MOB2: variants seen among roughly 807,000 people sequenced by gnomAD.
The protein encoded by MOB2 is MOB2 Mps One Binder homolog.
Under a neutral mutation model 27.4 loss-of-function variants are expected in MOB2, and 14 were observed. That is an observed-to-expected ratio of 0.51 (90% CI 0.34 to 0.80). The LOEUF (loss-of-function observed/expected upper bound fraction) is 0.80, where lower values mean the gene tolerates loss of function less well. Among genes scored for constraint, MOB2 ranks in the 30% least tolerant of loss-of-function variants. The pLI is 0.01. For synonymous variants in MOB2, 167 were observed against 151.8 expected, an observed-to-expected ratio of 1.10 and a Z score of -0.74; for missense variants, 304 against 354.6, an observed-to-expected ratio of 0.86 and a Z score of 1.15.
chr11:1,472,851 CGGGCACAGGGCCTCCAGCATCTCT>C (rs1285623593), intron 3 of MOB2: 2,913 of 70,712 alleles, frequency 0.041, 79 homozygotes, highest in African/African-American at 0.099. Context: ...CCAGCGTCTC[CGGGCACAGGGCCTCCAGCATCTCT>C]GGGCACAGGG....
At chr11:1,481,169 C>A (rs1362176028) in intron 1 of MOB2, 2 of 569,880 alleles carry the variant, frequency 3.5e-6, no homozygotes, top group South Asian at 1.7e-5. Flanking sequence ...CACCCCTCAC[C>A]AAGTCCTCCA....
At chr11:1,484,008 C>T (rs972129537) in intron 1 of MOB2, among the ~76,000 whole-genome samples, 5 of 152,206 alleles carry the variant, frequency 3.3e-5, no homozygotes, top group Admixed American at 2.6e-4. Flanking sequence ...ACTCCTCATC[C>T]GCCCTGAGGG....
chr11:1,481,062 C>T (rs994002935), intron 1 of MOB2, 177 bp from the exon 2 acceptor site: 20 of 763,464 alleles, frequency 2.6e-5, no homozygotes, highest in South Asian at 1.0e-4. Flanking sequence ...GAGGCTGCTC[C>T]GCAGAGGGGC....
In MOB2 at chr11:1,480,778, T is replaced by A; in HGVS notation, c.218A>T (p.Glu73Val). Residue 73 changes from glutamate (E) to valine (V), a missense_variant, in exon 2 of 5, where the codon GAG becomes GTG. Physicochemically the swap from Glu to Val is moderately radical, Grantham distance 121 (BLOSUM62 -2). Transcript: ENST00000329957. ...AATCTCGCGGGGCAGCACCACCAGC[T>A]CCTTGAACTGGAAGTCGGTGATCCT... ...KARITDFQFK[E>V]LVVLPREIDL... The A allele has an allele frequency of 1.2e-6, 2 of 1,604,542 alleles. No individual in the cohort carries two copies. Among genetic ancestry groups the A allele is most frequent in the Non-Finnish European group, 1.7e-6 (2 of 1,176,090 alleles).
intron 3 of MOB2, among the ~76,000 whole-genome samples, chr11:1,477,102 C>CG (rs1345421017): frequency 6.6e-6 from 1 of 152,134 alleles, no homozygotes; most frequent in Non-Finnish European, 1.5e-5. Flanking sequence ...GTGGGGTCAT[C>CG]GGGCTCCGTG....
chr11:1,475,321 C>CAT (rs956597235), intron 3 of MOB2, among the ~76,000 whole-genome samples: 11 of 23,810 alleles, frequency 4.6e-4, no homozygotes, highest in South Asian at 4.6e-3. Flanking sequence ...TTCCCAATCA[C>CAT]ACGTGTGCAC....
chr11:1,480,743 C>T lies in MOB2; in HGVS notation c.253G>A (p.Glu85Lys), dbSNP rs767690078. ...CGCGCACTGTTGCTGGCCAGCCACTCGTTAAGGTCAATCTCGCGGGGCAGC... is the reference window on the plus strand; with the variant it reads ...CGCGCACTGTTGCTGGCCAGCCACTTGTTAAGGTCAATCTCGCGGGGCAGC... Reference protein sequence around the residue: ...VVLPREIDLNEWLASNTTTFF... With the variant: ...VVLPREIDLNKWLASNTTTFF... The change falls in exon 2 of 5, where the codon GAG becomes AAG. Residue 85 changes from glutamate (E) to lysine (K), a missense_variant. Physicochemically the swap from Glu to Lys is moderately conservative, Grantham distance 56. Coordinates refer to ENST00000329957, the MANE Select transcript of MOB2 (RefSeq NM_001172223.3). 1.9e-6 allele frequency: 3 copies of T among 1,606,602 alleles called. No homozygotes were observed. The highest frequency in any genetic ancestry group is 2.5e-6 in the Non-Finnish European group (3 of 1,177,204).
chr11:1,481,721 C>CAGGG (rs1564911312), intron 1 of MOB2: 4 of 5,884 alleles, frequency 6.8e-4, no homozygotes, highest in African/African-American at 9.6e-4. Context: ...GGAGCAGGGG[C>CAGGG]AGGGGCAGGG....
chr11:1,471,606 T>G, intron 3 of MOB2, 187 bp from the exon 4 acceptor site: 1 of 628,972 alleles, frequency 1.6e-6, no homozygotes, highest in Non-Finnish European at 2.6e-6. Flanking sequence ...CACACTGCAC[T>G]CTATGGAGGG....
chr11:1,474,607 G>A (rs1360615299), intron 3 of MOB2, among the ~76,000 whole-genome samples: 1 of 152,106 alleles, frequency 6.6e-6, no homozygotes, highest in African/African-American at 2.4e-5. Context: ...AAACTCTGAT[G>A]GCCCCGTTTG....
intron 3 of MOB2, 64 bp downstream of exon 3, chr11:1,480,329 G>T: frequency 6.8e-7 from 1 of 1,470,960 alleles, no homozygotes; most frequent in Non-Finnish European, 9.5e-7. Flanking sequence ...GCCTGGGGCA[G>T]CGGGGGCTCA....
chr11:1,479,398 C>A (rs1399118015), intron 3 of MOB2, among the ~76,000 whole-genome samples: 1 of 152,248 alleles, frequency 6.6e-6, no homozygotes, highest in Admixed American at 6.5e-5. Context: ...TCCCCATCTT[C>A]CTGGGCCATG....
chr11:1,483,462 C>A (rs1847938306), intron 1 of MOB2, among the ~76,000 whole-genome samples: 1 of 152,236 alleles, frequency 6.6e-6, no homozygotes, highest in Non-Finnish European at 1.5e-5. Context: ...TCACACTATT[C>A]CAACAGGTGG....
chr11:1,480,182 T>A (rs1265927524), intron 3 of MOB2, among the ~76,000 whole-genome samples: 1 of 152,174 alleles, frequency 6.6e-6, no homozygotes, highest in Non-Finnish European at 1.5e-5. Context: ...CTGCACCTTC[T>A]GGGCCCCACT....
rs1847898869 is a variant in MOB2 at position 1,480,501 on chromosome 11, A to G, written c.272-15T>C. ...AAACGTCGTGGCTGGAAGAGAAGAG[A>G]AGGAGCCAGATGTGAAAAACGCCAG... On this transcript the variant is annotated splice_polypyrimidine_tract_variant and intron_variant, in intron 2 of 4. Coordinates refer to ENST00000329957, the MANE Select transcript of MOB2 (RefSeq NM_001172223.3). The G allele has an allele frequency of 5.6e-6, 9 of 1,613,014 alleles. No homozygotes were observed. Among genetic ancestry groups the G allele is most frequent in the Non-Finnish European group, 7.6e-6 (9 of 1,179,246 alleles).
At chr11:1,479,509 C>T (rs1847886657) in intron 3 of MOB2, among the ~76,000 whole-genome samples, 2 of 152,326 alleles carry the variant, frequency 1.3e-5, no homozygotes, top group South Asian at 2.1e-4. Context: ...AAGCTGTGAC[C>T]CATCATGGCC....
chr11:1,480,708 C>A lies in MOB2; in HGVS notation c.271+17G>T. ...GCAGGGAGGAGGGAGGGGGCCCGCC[C>A]CCAGGCCCCCGCGCACTGTTGCTGG... On this transcript the variant is annotated intron_variant, in intron 2 of 4. Transcript: ENST00000329957. 6.3e-7 allele frequency: 1 copy of A among 1,598,306 alleles called. No individual in the cohort carries two copies. The highest frequency in any genetic ancestry group is 8.5e-7 in the Non-Finnish European group (1 of 1,173,140).
At chr11:1,484,508 AC>A (rs1486077242) in intron 1 of MOB2, among the ~76,000 whole-genome samples, 1 of 151,644 alleles carries the variant, frequency 6.6e-6, no homozygotes, top group African/African-American at 2.4e-5. Flanking sequence ...TTCCCCCAAG[AC>A]CCGGCCAGGC....
chr11:1,470,578 C>T, intron 4 of MOB2, 90 bp from the exon 5 acceptor site: 1 of 1,431,358 alleles, frequency 7.0e-7, no homozygotes. Context: ...GGGTCTGGTA[C>T]CTGCCACCCA....
Sources: allele counts gnomAD v4.1 joint callset (sites outside exome capture counted in the v4.1 genomes callset), GRCh38; gene constraint gnomAD v4.1.1; transcripts MANE v1.5; gene names NCBI Gene and HGNC (gene_info 2026-07-23, HGNC 2026-07-21).